The following ZCCHC14 variants were observed in gnomAD, a reference collection of about 807,000 sequenced individuals.
ZCCHC14 encodes the protein zinc finger CCHC domain-containing protein 14.
ZCCHC14 carries 16 observed loss-of-function variants against 85.0 expected under a neutral mutation model. The observed-to-expected ratio is 0.19, with a 90% CI of 0.13 to 0.29. The LOEUF (loss-of-function observed/expected upper bound fraction) is 0.29, where lower values mean the gene tolerates loss of function less well. Among genes scored for constraint, ZCCHC14 ranks in the 10% least tolerant of loss-of-function variants. The pLI is 1.00. For synonymous variants in ZCCHC14, 775 were observed against 630.7 expected, an observed-to-expected ratio of 1.23 and a Z score of -3.43; for missense variants, 1,303 against 1,443.5, an observed-to-expected ratio of 0.90 and a Z score of 1.58.
intron 3 of ZCCHC14, among the ~76,000 whole-genome samples, chr16:87,425,692 T>A (rs1909335319): frequency 6.6e-6 from 1 of 152,140 alleles, no homozygotes; most frequent in Non-Finnish European, 1.5e-5. Flanking sequence ...GTTCCTAAGC[T>A]GCTCCCCACA....
rs1024330200 is a variant in ZCCHC14, at chr16:87,492,416, G to A, written c.-178C>T. Reference sequence around the variant, plus strand: ...GGGCGCCGGGGCGGGGGCGGGGACCGGGGCCGGGCAAGGCTCCCGTCAGGG... The same window carrying A: ...GGGCGCCGGGGCGGGGGCGGGGACCAGGGCCGGGCAAGGCTCCCGTCAGGG... On this transcript the variant is annotated 5_prime_UTR_variant, in exon 1 of 13. Transcript: ENST00000671377. The surrounding 1 kb of genome is among the most constrained non-coding windows in gnomAD (Gnocchi z 6.7). 2.1e-5 allele frequency: 3 copies of A among 145,060 alleles called. No individual in the cohort carries two copies. The highest frequency in any genetic ancestry group is 4.6e-5 in the Non-Finnish European group (3 of 65,596). The allele number at this position is 145,060 out of a possible 1,614,324, so 9.0% of individuals were successfully genotyped here. A position where few individuals can be genotyped will look rare whatever the true frequency, so the allele number is the denominator to read the frequency against.
rs1377090246 is a variant in ZCCHC14, at chr16:87,407,610, T to G, written c.*2670A>C. On this transcript the variant is annotated 3_prime_UTR_variant, in exon 13 of 13. Transcript: ENST00000671377. Reference sequence around the variant, plus strand: ...ATTCTTGGAGATTAAAAAAACAGGGTTAGAAACTTTAATATCTGACAGACT... The same window carrying G: ...ATTCTTGGAGATTAAAAAAACAGGGGTAGAAACTTTAATATCTGACAGACT... The G allele has an allele frequency of 1.3e-5, 2 of 152,034 alleles. No homozygotes were observed. The highest frequency in any genetic ancestry group is 2.9e-5 in the Non-Finnish European group (2 of 68,008). The allele number at this position is 152,034 out of a possible 1,614,324, so 9.4% of individuals were successfully genotyped here.
intron 2 of ZCCHC14, among the ~76,000 whole-genome samples, chr16:87,446,582 G>A (rs1378159784): frequency 6.6e-6 from 1 of 152,086 alleles, no homozygotes; most frequent in African/African-American, 2.4e-5. Flanking sequence ...GCCAGCTCCT[G>A]AATCAGAGTG....
intron 2 of ZCCHC14, among the ~76,000 whole-genome samples, chr16:87,442,167 G>A (rs1002154467): frequency 4.6e-5 from 7 of 152,174 alleles, no homozygotes; most frequent in African/African-American, 1.4e-4. Flanking sequence ...AATCTGAACT[G>A]CCGAACACAC....
intron 3 of ZCCHC14, among the ~76,000 whole-genome samples, chr16:87,431,743 TGAAG>T (rs1597413474): frequency 6.6e-6 from 1 of 152,202 alleles, no homozygotes; most frequent in Non-Finnish European, 1.5e-5. Flanking sequence ...ATGCAAGGAA[TGAAG>T]GAAGGTGTCA....
intron 1 of ZCCHC14, among the ~76,000 whole-genome samples, chr16:87,464,772 C>T (rs1911442583): frequency 6.6e-6 from 1 of 152,158 alleles, no homozygotes; most frequent in Non-Finnish European, 1.5e-5. Context: ...GCTGTCTTCA[C>T]TTGTGTTTCC....
intron 4 of ZCCHC14, among the ~76,000 whole-genome samples, chr16:87,422,615 G>C (rs1248551975): frequency 6.6e-6 from 1 of 151,646 alleles, no homozygotes; most frequent in Non-Finnish European, 1.5e-5. Context: ...GTGCACCTGT[G>C]ATCCCAGCAA....
chr16:87,466,119 A>G (rs1314275484), intron 1 of ZCCHC14, among the ~76,000 whole-genome samples: 2 of 143,040 alleles, frequency 1.4e-5, no homozygotes, highest in African/African-American at 5.1e-5. Flanking sequence ...CGCCTCAGGT[A>G]TTTACGCTTT....
chr16:87,447,469 C>G (rs966196716), intron 2 of ZCCHC14, among the ~76,000 whole-genome samples: 1 of 152,194 alleles, frequency 6.6e-6, no homozygotes, highest in Non-Finnish European at 1.5e-5. Context: ...GTCATATAAA[C>G]AGGACCATAC....
At position 87,427,776 on chromosome 16, in the gene ZCCHC14, T is replaced by A. The variant is rs149310992; in HGVS notation, c.769-3895A>T. 4.6e-5 allele frequency among the ~76,000 whole-genome samples: 7 copies of A among 150,886 alleles called. No homozygotes were observed. The East Asian group carries it at 1.4e-3, about 29-fold the overall frequency. ...CCTCAGCCTCCTCAGTAGCTGGGAA[T>A]ATAGGTGAGTGCCACAATGACCAAC... On this transcript the variant is annotated intron_variant, in intron 3 of 12. Coordinates refer to ENST00000671377, the MANE Select transcript of ZCCHC14 (RefSeq NM_015144.3).
intron 1 of ZCCHC14, among the ~76,000 whole-genome samples, chr16:87,490,668 G>T (rs960802742): frequency 6.6e-6 from 1 of 152,184 alleles, no homozygotes; most frequent in Non-Finnish European, 1.5e-5. Flanking sequence ...AAGTCAGCCT[G>T]GGTTTTGTTT....
At chr16:87,490,690 CAATA>C (rs1284383254) in intron 1 of ZCCHC14, among the ~76,000 whole-genome samples, 1 of 152,214 alleles carries the variant, frequency 6.6e-6, no homozygotes. Context: ...TAAGGGTCGC[CAATA>C]AATAGGTTTC....
intron 1 of ZCCHC14, among the ~76,000 whole-genome samples, chr16:87,485,022 C>A (rs1912450024): frequency 6.6e-6 from 1 of 152,094 alleles, no homozygotes; most frequent in Non-Finnish European, 1.5e-5. Context: ...GTGTCCAGGC[C>A]CAGATAAGAC....
At chr16:87,429,183 G>A (rs1322408366) in intron 3 of ZCCHC14, among the ~76,000 whole-genome samples, 2 of 152,104 alleles carry the variant, frequency 1.3e-5, no homozygotes, top group Non-Finnish European at 1.5e-5. Flanking sequence ...CCCCCACACC[G>A]CAGCCTGAGG....
At chr16:87,459,568 G>A (rs978783732) in intron 2 of ZCCHC14, among the ~76,000 whole-genome samples, 49 of 150,560 alleles carry the variant, frequency 3.3e-4, no homozygotes, top group African/African-American at 1.2e-3. Flanking sequence ...GGAGTGCAAT[G>A]GCGTGATCTT....
rs752279402 is a variant in ZCCHC14, at chr16:87,420,684, C to T, written c.873G>A (p.Glu291=). ...GACCAGCTAAGCAAGGAATGAGTTTCTCCAAGTTCTCTTCAGGATAGAGCT... is the reference window on the plus strand; with the variant it reads ...GACCAGCTAAGCAAGGAATGAGTTTTTCCAAGTTCTCTTCAGGATAGAGCT... The part of the protein sequence containing the change: ...LCQLYPEENL[E]KLIPCLAGPD... Residue 291 remains glutamate (E), a synonymous_variant, in exon 5 of 13, where the codon GAG becomes GAA. Transcript: ENST00000671377. The surrounding 1 kb of genome is among the most constrained non-coding windows in gnomAD (Gnocchi z 5.0). 27 of 1,613,732 alleles carry T rather than the reference C, an allele frequency of 1.7e-5. 1 individual carries two copies. The Middle Eastern group carries it at 8.2e-4, about 49-fold the overall frequency.
At position 87,420,733 on chromosome 16, in the gene ZCCHC14, G is replaced by A; in HGVS notation, c.841-17C>T. 1.3e-6 allele frequency: 2 copies of A among 1,598,954 alleles called. No individual in the cohort carries two copies. Among genetic ancestry groups the A allele is most frequent in the Non-Finnish European group, 1.7e-6 (2 of 1,170,862 alleles). On this transcript the variant is annotated splice_polypyrimidine_tract_variant and intron_variant, in intron 4 of 12. Transcript: ENST00000671377. This position sits in a 1 kb window ranked among gnomAD's most constrained non-coding sequence, Gnocchi z 5.0. Reference sequence around the variant, plus strand: ...CTGACATAGCTGGAAGAGAGGACAAGGTAGAGGAGGTGTGTCCAGACCCAT... The same window carrying A: ...CTGACATAGCTGGAAGAGAGGACAAAGTAGAGGAGGTGTGTCCAGACCCAT...
In ZCCHC14 at chr16:87,411,528, A is replaced by C; in HGVS notation, c.3193T>G (p.Phe1065Val). ...GGCGCGCGCTTACCTGGCCGGTTGA[A>C]GTCCATGGACGGCTGTTTGCAGTCC... is the stretch of plus-strand genomic sequence containing the variant. The part of the protein sequence containing the change: ...AQDCKQPSMD[F>V]NRPGTFRLKY... Residue 1065 changes from phenylalanine to valine, a missense_variant, in exon 12 of 13, where the codon TTC (phenylalanine) becomes GTC (valine). Physicochemically the swap from Phe to Val is conservative, Grantham distance 50. This residue lies in a region of ZCCHC14 where 797 missense variants were observed against 730.8 expected (regional missense o/e 1.09). Transcript: ENST00000671377. The C allele has an allele frequency of 6.2e-7, 1 of 1,613,504 alleles. No homozygotes were observed. The highest frequency in any genetic ancestry group is 8.5e-7 in the Non-Finnish European group (1 of 1,180,006).
chr16:87,422,306 A>C (rs1909140901), intron 4 of ZCCHC14, among the ~76,000 whole-genome samples: 1 of 152,220 alleles, frequency 6.6e-6, no homozygotes. Flanking sequence ...GTACACACAG[A>C]GAAATGCACA....
Sources: allele counts gnomAD v4.1 joint callset (sites outside exome capture counted in the v4.1 genomes callset), GRCh38; gene constraint gnomAD v4.1.1; regional missense constraint gnomAD v4.1.1; non-coding constraint Gnocchi (gnomAD v3.1); transcripts MANE v1.5; gene names NCBI Gene and HGNC (gene_info 2026-07-23, HGNC 2026-07-21).